The following OTUD7A variants were observed in gnomAD, a reference collection of about 807,000 sequenced individuals.
OTUD7A encodes OTU deubiquitinase 7A, also known as OTU domain-containing protein 7A.
In OTUD7A, 12 loss-of-function variants were observed where a neutral mutation model predicts 65.7. The observed-to-expected ratio is 0.18, with a 90% CI of 0.12 to 0.30. The LOEUF (loss-of-function observed/expected upper bound fraction) is 0.30. Ranked by LOEUF, OTUD7A falls within the 10% of genes least tolerant of loss-of-function variation. The pLI is 1.00. For missense variants in OTUD7A, 1,148 were observed against 1,304.8 expected, an observed-to-expected ratio of 0.88 and a Z score of 1.85; for synonymous variants, 641 against 586.3, an observed-to-expected ratio of 1.09 and a Z score of -1.35.
intron 1 of OTUD7A, among the ~76,000 whole-genome samples, chr15:31,714,814 T>G (rs1893541695): frequency 6.6e-6 from 1 of 152,200 alleles, no homozygotes; most frequent in African/African-American, 2.4e-5. Flanking sequence ...CTCCAATTTC[T>G]TCTCAACACA....
At chr15:31,641,557 C>G (rs895178654) in intron 3 of OTUD7A, among the ~76,000 whole-genome samples, 11 of 152,138 alleles carry the variant, frequency 7.2e-5, no homozygotes, top group African/African-American at 2.7e-4. Flanking sequence ...AATATTGAGT[C>G]TTTTGACCCA....
At chr15:31,840,935 A>G (rs1467728233) in intron 1 of OTUD7A, among the ~76,000 whole-genome samples, 1 of 152,254 alleles carries the variant, frequency 6.6e-6, no homozygotes, top group Admixed American at 6.5e-5. Flanking sequence ...GGCTTGTCAC[A>G]GTACCACGCT....
intron 1 of OTUD7A, among the ~76,000 whole-genome samples, chr15:31,739,615 C>G (rs560214519): frequency 6.6e-6 from 1 of 151,674 alleles, no homozygotes; most frequent in Non-Finnish European, 1.5e-5. Context: ...TTTTTGGAGA[C>G]AGAGTGTCAC....
At chr15:31,578,457 CTCTT>C (rs1889271148) in intron 3 of OTUD7A, among the ~76,000 whole-genome samples, 3 of 152,134 alleles carry the variant, frequency 2.0e-5, no homozygotes, top group Admixed American at 6.5e-5. Context: ...CTATTAATAA[CTCTT>C]TCAACCAACT....
chr15:31,767,287 G>C, intron 1 of OTUD7A: 1 of 838,876 alleles, frequency 1.2e-6, no homozygotes, highest in Non-Finnish European at 2.1e-6. Flanking sequence ...ACCACGAAAT[G>C]AAACAAAAAT....
At chr15:31,526,586 A>G (rs974427591) in intron 7 of OTUD7A, 125 bp from the exon 8 acceptor site, 2 of 650,034 alleles carry the variant, frequency 3.1e-6, no homozygotes, top group Middle Eastern at 4.2e-4. Flanking sequence ...GGTAGCTACC[A>G]ACTATACCAA....
intron 3 of OTUD7A, among the ~76,000 whole-genome samples, chr15:31,611,494 C>T (rs1342456894): frequency 6.6e-6 from 1 of 152,130 alleles, no homozygotes; most frequent in Non-Finnish European, 1.5e-5. Context: ...ACTGACACCA[C>T]AGAAATACAA....
intron 1 of OTUD7A, among the ~76,000 whole-genome samples, chr15:31,691,600 A>T (rs1892963664): frequency 6.7e-6 from 1 of 149,748 alleles, no homozygotes; most frequent in South Asian, 2.2e-4. Flanking sequence ...AATGGATTAA[A>T]GGCTTAAATA....
Position 31,545,454 on chromosome 15 carries a change from A to C in OTUD7A, c.550+13515T>G, listed in dbSNP as rs547366758. ...CATGATCTTCTGTTCATCAAAGTGT[A>C]TCAGTCAGTGAGTGAAAAGGGAACC... On this transcript the variant is annotated intron_variant, in intron 5 of 12. Transcript: ENST00000307050. Among the ~76,000 whole-genome samples the C allele has an allele frequency of 1.6e-4, 25 of 152,242 alleles. No homozygotes were observed. In the South Asian group the frequency reaches 4.8e-3, roughly 29 times the overall value.
At chr15:31,860,677 G>GTATATATATATATATATATATA (rs1555425282) in intron 1 of OTUD7A, among the ~76,000 whole-genome samples, 129 of 73,252 alleles carry the variant, frequency 1.8e-3, no homozygotes, top group African/African-American at 4.6e-3. Flanking sequence ...ATGTATGTGT[G>GTATATATATATATATATATATA]TATATATATA....
Position 31,484,308 on chromosome 15 carries a change from C to T in OTUD7A, c.1788G>A (p.Pro596=), listed in dbSNP as rs372960314. 3.8e-6 allele frequency: 6 copies of T among 1,596,820 alleles called. No individual in the cohort carries two copies. The highest frequency in any genetic ancestry group is 5.1e-6 in the Non-Finnish European group (6 of 1,176,954). Residue 596 remains proline, a synonymous_variant, in exon 13 of 13, where the codon CCG becomes CCA. Transcript: ENST00000307050. The surrounding 1 kb of genome is among the most constrained non-coding windows in gnomAD (Gnocchi z 4.5). The stretch of plus-strand genomic sequence containing the variant: ...CGCCCGCTGCCTTGTCTGTGGGCGA[C>T]GGCGTGGTCTTTTCCGACGGCGACG... ...ASTSPSEKTT[P]SPTDKAAGAS...
At chr15:31,765,848 T>C (rs1444534021) in intron 1 of OTUD7A, 1 of 1,308,266 alleles carries the variant, frequency 7.6e-7, no homozygotes. Context: ...TGGTTGGAAA[T>C]CTTTTCTGAT....
At chr15:31,655,013 T>C in intron 3 of OTUD7A, 83 bp downstream of exon 3, 1 of 1,492,298 alleles carries the variant, frequency 6.7e-7, no homozygotes, top group Non-Finnish European at 9.0e-7. Flanking sequence ...CAAGTACCAC[T>C]GTCATCAGGT....
intron 4 of OTUD7A, among the ~76,000 whole-genome samples, chr15:31,564,057 T>C (rs528767385): frequency 2.0e-5 from 3 of 151,544 alleles, no homozygotes; most frequent in Non-Finnish European, 2.9e-5. Flanking sequence ...AAATAGAATA[T>C]CAGAATGCAA....
At chr15:31,519,978 G>GA (rs2041915915) in intron 8 of OTUD7A, among the ~76,000 whole-genome samples, 1 of 151,370 alleles carries the variant, frequency 6.6e-6, no homozygotes. Context: ...AAATGCTGAA[G>GA]AAAAAAATTG....
intron 3 of OTUD7A, among the ~76,000 whole-genome samples, chr15:31,627,467 C>A (rs1354169188): frequency 6.6e-6 from 1 of 152,050 alleles, no homozygotes; most frequent in Non-Finnish European, 1.5e-5. Flanking sequence ...ATATGTACCA[C>A]ATTTTCTTAA....
chr15:31,728,534 CCT>C (rs1893956331), intron 1 of OTUD7A, among the ~76,000 whole-genome samples: 1 of 152,230 alleles, frequency 6.6e-6, no homozygotes, highest in Admixed American at 6.5e-5. Flanking sequence ...TAACTCTCCA[CCT>C]CTCTACGCAT....
chr15:31,643,138 C>A (rs552837997), intron 3 of OTUD7A, among the ~76,000 whole-genome samples: 4,797 of 110,416 alleles, frequency 0.043, 247 homozygotes, highest in African/African-American at 0.13. Flanking sequence ...CTCACAGATG[C>A]TTTAATTTTT....
intron 1 of OTUD7A, among the ~76,000 whole-genome samples, chr15:31,868,196 A>C (rs1294886799): frequency 1.3e-5 from 2 of 152,224 alleles, no homozygotes; most frequent in African/African-American, 2.4e-5. Context: ...CAACTCCCAA[A>C]TTTAAGCACT....
Sources: gnomAD v4.1 joint callset for allele counts (sites outside exome capture counted in the v4.1 genomes callset) on GRCh38, gnomAD v4.1.1 for gene constraint, Gnocchi (gnomAD v3.1) non-coding constraint, MANE v1.5 for transcripts, NCBI Gene and HGNC (gene_info 2026-07-23, HGNC 2026-07-21) for gene names.